LINGO2: variants seen among roughly 807,000 people sequenced by gnomAD.
The protein encoded by LINGO2 is leucine-rich repeat and immunoglobulin-like domain-containing nogo receptor-interacting protein 2.
A neutral mutation model predicts 30.6 loss-of-function variants in LINGO2; 14 were observed. The observed-to-expected ratio is 0.46, with a 90% CI of 0.30 to 0.72. The LOEUF is 0.72. Ranked by LOEUF, LINGO2 falls within the 30% of genes least tolerant of loss-of-function variation. The pLI, the probability that LINGO2 is intolerant of heterozygous loss-of-function variation, is 0.07. For synonymous variants in LINGO2, 317 were observed against 288.5 expected, an observed-to-expected ratio of 1.10 and a Z score of -1.00; for missense variants, 729 against 751.7, an observed-to-expected ratio of 0.97 and a Z score of 0.35.
chr9:28,712,976 C>T, the LINGO2 span, among the ~76,000 whole-genome samples: 1 of 152,044 alleles, frequency 6.6e-6, no homozygotes, highest in Admixed American at 6.6e-5. Context: ...AGTGATTCTC[C>T]TGCCTCAGCC....
At chr9:28,543,970 C>T (rs965213996) in intron 1 of LINGO2, among the ~76,000 whole-genome samples, 9 of 151,910 alleles carry the variant, frequency 5.9e-5, no homozygotes, top group Non-Finnish European at 1.0e-4. Flanking sequence ...TTTGGAAGGC[C>T]GAGGCAAGCG....
At chr9:28,313,718 T>C (rs918574996) in intron 3 of LINGO2, among the ~76,000 whole-genome samples, 1 of 152,188 alleles carries the variant, frequency 6.6e-6, no homozygotes, top group Admixed American at 6.5e-5. Context: ...GAAATTAGCA[T>C]GAAGTAATAA....
At chr9:29,177,322 TCCCATTTTATGTAAGAGGAAA>T in the LINGO2 span, among the ~76,000 whole-genome samples, 1 of 152,210 alleles carries the variant, frequency 6.6e-6, no homozygotes, top group East Asian at 1.9e-4. Context: ...TTATAGTTTG[TCCCATTTTATGTAAGAGGAAA>T]CTGAAGTTTA....
intron 1 of LINGO2, among the ~76,000 whole-genome samples, chr9:28,587,549 A>G (rs997479522): frequency 6.6e-6 from 1 of 151,890 alleles, no homozygotes; most frequent in East Asian, 2.0e-4. Flanking sequence ...TGGCTACCTG[A>G]CTGTAGGACA....
chr9:28,550,300 T>C (rs999014576), intron 1 of LINGO2, among the ~76,000 whole-genome samples: 1 of 151,874 alleles, frequency 6.6e-6, no homozygotes, highest in African/African-American at 2.4e-5. Flanking sequence ...ACTTCTCATA[T>C]GTTTTTCCCT....
the LINGO2 span, among the ~76,000 whole-genome samples, chr9:29,067,315 C>T: frequency 6.6e-6 from 1 of 151,530 alleles, no homozygotes; most frequent in Non-Finnish European, 1.5e-5. Flanking sequence ...TGATACACTG[C>T]AAGAGAAGAA....
chr9:28,255,455 G>A (rs1822352303), intron 4 of LINGO2, among the ~76,000 whole-genome samples: 2 of 151,952 alleles, frequency 1.3e-5, no homozygotes, highest in South Asian at 4.2e-4. Context: ...AATATCCTGG[G>A]GCAAGTAACT....
rs73433331 is a variant in LINGO2, at chr9:28,354,269, G to T, written c.-246+18567C>A. Among the ~76,000 whole-genome samples, 1,188 of 152,284 alleles carry T rather than the reference G, an allele frequency of 7.8e-3. 16 individuals carry two copies. Among genetic ancestry groups the T allele is most frequent in the African/African-American group, 0.028 (1,145 of 41,556 alleles). On this transcript the variant is annotated intron_variant, in intron 3 of 5. Transcript: ENST00000379992. The stretch of plus-strand genomic sequence containing the variant: ...TACTCATACCAGTAGGTTTGGGAAA[G>T]ATGAGGATGTACTATGTTGCGGTTC...
intron 4 of LINGO2, among the ~76,000 whole-genome samples, chr9:28,280,669 G>A (rs1487892722): frequency 6.6e-6 from 1 of 152,078 alleles, no homozygotes; most frequent in Non-Finnish European, 1.5e-5. Flanking sequence ...TGAATGGTTG[G>A]TTATGCATTT....
chr9:28,809,755 A>AG, the LINGO2 span, among the ~76,000 whole-genome samples: 1 of 151,656 alleles, frequency 6.6e-6, no homozygotes, highest in African/African-American at 2.4e-5. Context: ...CAAAAAAAAA[A>AG]AAAAAAAAAG....
the LINGO2 span, among the ~76,000 whole-genome samples, chr9:29,041,844 T>C: frequency 5.5e-3 from 831 of 152,058 alleles, 8 homozygotes; most frequent in African/African-American, 0.019. Context: ...AAAGCTCATG[T>C]TGAAAGGATG....
intron 3 of LINGO2, among the ~76,000 whole-genome samples, chr9:28,347,365 AAG>A (rs1287703291): frequency 6.6e-6 from 1 of 152,158 alleles, no homozygotes; most frequent in Non-Finnish European, 1.5e-5. Flanking sequence ...GAGTAAAAGG[AAG>A]AGATATGTAG....
downstream of LINGO2, chr9:27,944,011 G>A (rs1417390096): frequency 2.6e-5 from 4 of 152,158 alleles, no homozygotes; most frequent in East Asian, 7.7e-4. Flanking sequence ...TTTGGAAAGA[G>A]TAACATCAGC....
the LINGO2 span, among the ~76,000 whole-genome samples, chr9:28,985,924 A>C: frequency 6.6e-6 from 1 of 152,030 alleles, no homozygotes; most frequent in African/African-American, 2.4e-5. Context: ...GTCAAATAAA[A>C]AAAGTTACTG....
chr9:28,366,119 G>A lies in LINGO2; in HGVS notation c.-246+6717C>T, dbSNP rs75099429. Among the ~76,000 whole-genome samples, 1,519 of 152,274 alleles carry A rather than the reference G, an allele frequency of 1.0e-2. 28 individuals are homozygous for A. The highest frequency in any genetic ancestry group is 0.034 in the African/African-American group (1,428 of 41,558). ...CTTAGTACGGAAACAGTCGGAGCCTGTTCCTTTTTCGTCTAACCTCCGTTG... is the reference window on the plus strand; with the variant it reads ...CTTAGTACGGAAACAGTCGGAGCCTATTCCTTTTTCGTCTAACCTCCGTTG... On this transcript the variant is annotated intron_variant, in intron 3 of 5. Transcript: ENST00000379992.
chr9:28,847,044 A>G, the LINGO2 span, among the ~76,000 whole-genome samples: 1 of 145,716 alleles, frequency 6.9e-6, no homozygotes, highest in African/African-American at 2.7e-5. Context: ...ATCAGGCCAC[A>G]TATATTTCAG....
At chr9:28,172,179 C>G (rs917880926) in intron 4 of LINGO2, among the ~76,000 whole-genome samples, 7 of 151,242 alleles carry the variant, frequency 4.6e-5, no homozygotes, top group African/African-American at 1.7e-4. Flanking sequence ...ATCACGAGGT[C>G]AGGAGATCGA....
At position 28,048,820 on chromosome 9, in the gene LINGO2, G is replaced by T. The variant is rs1189757114; in HGVS notation, c.-86-36415C>A. 1.3e-5 allele frequency among the ~76,000 whole-genome samples: 2 copies of T among 150,462 alleles called. 1 individual carries two copies. Among genetic ancestry groups the T allele is most frequent in the Non-Finnish European group, 2.9e-5 (2 of 67,818 alleles). ...AAATGTTAAAAGTACCACAATCGAT[G>T]AAAATAGCAACATATATATGTAACT... On this transcript the variant is annotated intron_variant, in intron 4 of 5. Transcript: ENST00000379992.
At chr9:28,826,392 T>A in the LINGO2 span, among the ~76,000 whole-genome samples, 75 of 152,236 alleles carry the variant, frequency 4.9e-4, no homozygotes, top group African/African-American at 1.7e-3. Context: ...ATGAATCCTT[T>A]CCACAGTCAC....
Sources: gnomAD v4.1 joint callset for allele counts (sites outside exome capture counted in the v4.1 genomes callset) on GRCh38, gnomAD v4.1.1 for gene constraint, MANE v1.5 for transcripts, NCBI Gene and HGNC (gene_info 2026-07-23, HGNC 2026-07-21) for gene names.